MECOM: variants seen among roughly 807,000 people sequenced by gnomAD.
The protein encoded by MECOM is histone-lysine N-methyltransferase MECOM.
In MECOM, 13 loss-of-function variants were observed where a neutral mutation model predicts 116.3. The observed-to-expected ratio is 0.11, with a 90% CI of 0.07 to 0.18. The LOEUF (loss-of-function observed/expected upper bound fraction) is 0.18. Among genes scored for constraint, MECOM ranks in the 10% least tolerant of loss-of-function variants. The pLI, the probability that MECOM is intolerant of heterozygous loss-of-function variation, is 1.00. For missense variants in MECOM, 1,299 were observed against 1,509.0 expected, an observed-to-expected ratio of 0.86 and a Z score of 2.31; for synonymous variants, 528 against 535.2, an observed-to-expected ratio of 0.99 and a Z score of 0.19.
intron 1 of MECOM, among the ~76,000 whole-genome samples, chr3:169,488,977 CAG>C (rs907520155): frequency 1.3e-5 from 2 of 151,274 alleles, no homozygotes; most frequent in Non-Finnish European, 3.0e-5. Flanking sequence ...ACTAATAAAA[CAG>C]ATGAAATTTT....
At chr3:169,097,341 G>T (rs935832579) in intron 12 of MECOM, among the ~76,000 whole-genome samples, 9 of 151,882 alleles carry the variant, frequency 5.9e-5, no homozygotes, top group Non-Finnish European at 4.4e-5. Flanking sequence ...GTCTTGGCCA[G>T]AAAAAGAATG....
intron 2 of MECOM, among the ~76,000 whole-genome samples, chr3:169,346,906 A>T (rs1725459288): frequency 6.6e-6 from 1 of 152,114 alleles, no homozygotes; most frequent in Admixed American, 6.6e-5. Flanking sequence ...ATGTACAGTT[A>T]TTGATTTGGC....
intron 2 of MECOM, among the ~76,000 whole-genome samples, chr3:169,184,669 G>C (rs1353642107): frequency 6.6e-6 from 1 of 152,114 alleles, no homozygotes; most frequent in Non-Finnish European, 1.5e-5. Flanking sequence ...CGTCCCATGG[G>C]GTCTTGGGAC....
intron 2 of MECOM, among the ~76,000 whole-genome samples, chr3:169,167,368 GT>G: frequency 6.6e-6 from 1 of 152,148 alleles, no homozygotes; most frequent in Non-Finnish European, 1.5e-5. Context: ...CCTTTTCTAT[GT>G]GGTCAGCCAT....
chr3:169,367,838 G>C (rs1729445315), intron 2 of MECOM, among the ~76,000 whole-genome samples: 1 of 151,968 alleles, frequency 6.6e-6, no homozygotes, highest in African/African-American at 2.4e-5. Flanking sequence ...TGATTGTCTG[G>C]TTCCTAGGCA....
chr3:169,496,543 CA>C (rs1753840731), intron 1 of MECOM, among the ~76,000 whole-genome samples: 1 of 152,154 alleles, frequency 6.6e-6, no homozygotes, highest in Non-Finnish European at 1.5e-5. Context: ...TTGCTCTTCC[CA>C]AGGGTTATCG....
intron 1 of MECOM, among the ~76,000 whole-genome samples, chr3:169,465,324 C>G (rs1024227623): frequency 3.9e-5 from 6 of 152,186 alleles, no homozygotes; most frequent in Admixed American, 6.5e-5. Context: ...ATAATAATAT[C>G]TGTTTCCTAG....
At chr3:169,501,590 C>T (rs1442673899) in intron 1 of MECOM, among the ~76,000 whole-genome samples, 3 of 152,160 alleles carry the variant, frequency 2.0e-5, no homozygotes, top group African/African-American at 7.2e-5. Flanking sequence ...CTTATTATTG[C>T]ATCTAGCTCA....
In MECOM at chr3:169,381,529, G is replaced by A; in HGVS notation, c.38-5C>T. ...TGCCATATACACACTCATTATCTGT[G>A]AATAAATAAGAACTTCATGAATTCC... On this transcript the variant is annotated splice_polypyrimidine_tract_variant and splice_region_variant and intron_variant, in intron 1 of 16. Transcript: ENST00000651503. The A allele has an allele frequency of 6.4e-7, 1 of 1,553,342 alleles. No individual in the cohort carries two copies. Among genetic ancestry groups the A allele is most frequent in the South Asian group, 1.2e-5 (1 of 82,058 alleles).
chr3:169,312,244 C>T (rs920717482), intron 2 of MECOM, among the ~76,000 whole-genome samples: 2 of 151,942 alleles, frequency 1.3e-5, no homozygotes, highest in African/African-American at 2.4e-5. Context: ...GTGATGTTGA[C>T]CAGGGTAGTG....
intron 2 of MECOM, among the ~76,000 whole-genome samples, chr3:169,376,878 A>G: frequency 6.6e-6 from 1 of 152,194 alleles, no homozygotes; most frequent in Non-Finnish European, 1.5e-5. Context: ...AGACAATGCT[A>G]AGCAAAAAGA....
At position 169,268,942 on chromosome 3, in the gene MECOM, C is replaced by T. The variant is rs538293425; in HGVS notation, c.375+112245G>A. Among the ~76,000 whole-genome samples, 32 of 152,200 alleles carry T rather than the reference C, an allele frequency of 2.1e-4. No homozygotes were observed. In the South Asian group the frequency reaches 6.4e-3, roughly 31 times the overall value. On this transcript the variant is annotated intron_variant, in intron 2 of 16. Coordinates refer to ENST00000651503, the MANE Select transcript of MECOM (RefSeq NM_004991.4). Reference sequence around the variant, plus strand: ...AGACACACAGTTTCTAATTACTAAGCGGATTTAATTGGTAAACAGCAGCAA... The same window carrying T: ...AGACACACAGTTTCTAATTACTAAGTGGATTTAATTGGTAAACAGCAGCAA...
chr3:169,662,664 A>C (rs1008233299), intron 1 of MECOM, among the ~76,000 whole-genome samples: 2 of 145,036 alleles, frequency 1.4e-5, no homozygotes, highest in Non-Finnish European at 3.0e-5. Flanking sequence ...GCCGGAGAGC[A>C]TGGCCGAGCG....
chr3:169,389,669 G>C, intron 1 of MECOM: 1 of 788,742 alleles, frequency 1.3e-6, no homozygotes, highest in Non-Finnish European at 1.5e-6. Context: ...GCAGCAGACT[G>C]GGTGGTTACT....
At chr3:169,619,887 A>G (rs1770492026) in intron 1 of MECOM, among the ~76,000 whole-genome samples, 1 of 152,232 alleles carries the variant, frequency 6.6e-6, no homozygotes, top group Admixed American at 6.5e-5. Flanking sequence ...GTTGGCCCCA[A>G]GGGCCAAAAT....
intron 1 of MECOM, among the ~76,000 whole-genome samples, chr3:169,588,578 T>C (rs1272504479): frequency 6.6e-6 from 1 of 152,184 alleles, no homozygotes; most frequent in Non-Finnish European, 1.5e-5. Context: ...GGGAAGACTG[T>C]GTATAATAGG....
In MECOM at chr3:169,406,848, TG is replaced by T. The variant is rs1281379096; in HGVS notation, c.38-25325del. 3.7e-4 allele frequency among the ~76,000 whole-genome samples: 56 copies of T among 150,278 alleles called. 1 individual carries two copies. The East Asian group carries it at 0.011, about 29-fold the overall frequency. ...AGGTTATTTGGTTACTGTTTTTTTT[TG>T]TTTTTTTTTTTTAATGGAGTCTCAC... On this transcript the variant is annotated intron_variant, in intron 1 of 16. Transcript: ENST00000651503.
At chr3:169,156,629 C>T (rs1272992220) in intron 2 of MECOM, among the ~76,000 whole-genome samples, 1 of 152,178 alleles carries the variant, frequency 6.6e-6, no homozygotes, top group African/African-American at 2.4e-5. Flanking sequence ...TATTTGAGTA[C>T]ACGGCCTGAG....
At chr3:169,446,765 A>G (rs1355148797) in intron 1 of MECOM, among the ~76,000 whole-genome samples, 2 of 152,198 alleles carry the variant, frequency 1.3e-5, no homozygotes, top group South Asian at 2.1e-4. Context: ...TCTCATGATC[A>G]TATACCTGGT....
Sources: allele counts gnomAD v4.1 joint callset (sites outside exome capture counted in the v4.1 genomes callset), GRCh38; gene constraint gnomAD v4.1.1; transcripts MANE v1.5; gene names NCBI Gene and HGNC (gene_info 2026-07-23, HGNC 2026-07-21).